The following ACTR3C variants were observed in gnomAD, a reference collection of about 807,000 sequenced individuals.
ACTR3C encodes the protein actin related protein 3C.
Under a neutral mutation model 26.3 loss-of-function variants are expected in ACTR3C, and 18 were observed. That is an observed-to-expected ratio of 0.68 (90% CI 0.47 to 1.01). The LOEUF (loss-of-function observed/expected upper bound fraction) is 1.01, where lower values mean the gene tolerates loss of function less well. ACTR3C is among the 50% of genes least tolerant of loss of function. ACTR3C has a pLI of 0.00. For synonymous variants in ACTR3C, 55 were observed against 94.5 expected (o/e 0.58, Z 2.42); for missense variants, 184 against 250.7 (o/e 0.73, Z 1.80).
chr7:149,882,125 TC>T, the ACTR3C span: 3 of 152,252 alleles, frequency 2.0e-5, no homozygotes, highest in African/African-American at 7.3e-5. Context: ...CTCTGCCAGT[TC>T]CTGCCGCTGC....
At chr7:149,907,259 CA>C in the ACTR3C span, among the ~76,000 whole-genome samples, 1 of 103,970 alleles carries the variant, frequency 9.6e-6, no homozygotes, top group Admixed American at 1.1e-4. Flanking sequence ...CACACCCCCA[CA>C]GCACCTCACC....
chr7:150,316,483 ATTTTTTTTTTT>A (rs35767189), intron 1 of ACTR3C, among the ~76,000 whole-genome samples: 4 of 80,528 alleles, frequency 5.0e-5, no homozygotes, highest in Non-Finnish European at 2.7e-5. Flanking sequence ...GAATCTGGTT[ATTTTTTTTTTT>A]TTTTTTTTTT....
At chr7:150,237,581 G>T in the ACTR3C span, among the ~76,000 whole-genome samples, 5 of 152,086 alleles carry the variant, frequency 3.3e-5, no homozygotes, top group Admixed American at 3.3e-4. Flanking sequence ...GGGTGGTCAC[G>T]GTAACGCCCT....
At chr7:150,016,826 T>C in the ACTR3C span, among the ~76,000 whole-genome samples, 1 of 152,158 alleles carries the variant, frequency 6.6e-6, no homozygotes, top group African/African-American at 2.4e-5. Flanking sequence ...ATATGTGTCA[T>C]AGCCTGTAAT....
chr7:149,962,561 G>A, the ACTR3C span, among the ~76,000 whole-genome samples: 1 of 151,916 alleles, frequency 6.6e-6, no homozygotes, highest in African/African-American at 2.4e-5. Context: ...GGGCAGCGCT[G>A]TACCACAGGC....
the ACTR3C span, among the ~76,000 whole-genome samples, chr7:149,915,121 C>A: frequency 6.6e-6 from 1 of 152,140 alleles, no homozygotes; most frequent in Non-Finnish European, 1.5e-5. Flanking sequence ...CTCAGGCGAT[C>A]CACCTCGGCC....
downstream of ACTR3C, among the ~76,000 whole-genome samples, chr7:150,241,101 G>A (rs953278744): frequency 7.9e-5 from 12 of 151,844 alleles, no homozygotes; most frequent in African/African-American, 2.4e-4. Flanking sequence ...ACTCAATACT[G>A]TATGATATTC....
intron 2 of ACTR3C, among the ~76,000 whole-genome samples, chr7:150,293,733 C>T (rs1189759639): frequency 7.9e-5 from 12 of 152,170 alleles, no homozygotes; most frequent in African/African-American, 1.9e-4. Context: ...CCCAAGAGTT[C>T]GAGACCAGCC....
At chr7:150,143,485 T>A in the ACTR3C span, among the ~76,000 whole-genome samples, 13,506 of 140,710 alleles carry the variant, frequency 0.096, 2,008 homozygotes, top group African/African-American at 0.32. Flanking sequence ...CCTTTTCAGC[T>A]TGCAGATTCA....
chr7:150,272,983 T>A (rs397842608), intron 6 of ACTR3C, among the ~76,000 whole-genome samples: 2 of 140,204 alleles, frequency 1.4e-5, no homozygotes, highest in African/African-American at 3.0e-5. Flanking sequence ...ACATGAGCCA[T>A]GAAGGCCGGC....
the ACTR3C span, among the ~76,000 whole-genome samples, chr7:149,921,666 CA>C: frequency 6.6e-6 from 1 of 151,580 alleles, no homozygotes; most frequent in Non-Finnish European, 1.5e-5. Flanking sequence ...CACCTGAAGT[CA>C]AGAGTTCAAG....
the ACTR3C span, among the ~76,000 whole-genome samples, chr7:150,095,185 ACTTC>A: frequency 2.7e-5 from 4 of 148,964 alleles, no homozygotes; most frequent in African/African-American, 1.0e-4. Flanking sequence ...GACTTCACAT[ACTTC>A]CTTCCCAGGA....
the ACTR3C span, among the ~76,000 whole-genome samples, chr7:149,934,341 G>A: frequency 6.6e-6 from 1 of 152,212 alleles, no homozygotes; most frequent in Non-Finnish European, 1.5e-5. Flanking sequence ...TGTCGAGTTT[G>A]ACTCCGTACC....
intron 1 of ACTR3C, among the ~76,000 whole-genome samples, chr7:150,301,746 C>T (rs572161818): frequency 2.4e-4 from 36 of 150,932 alleles, no homozygotes; most frequent in Admixed American, 5.2e-4. Context: ...AGCATGAAGA[C>T]GCTAAGTGAA....
chr7:150,101,092 G>C, the ACTR3C span, among the ~76,000 whole-genome samples: 1 of 151,664 alleles, frequency 6.6e-6, no homozygotes, highest in Admixed American at 6.6e-5. Context: ...GCCTTAAGGA[G>C]TTATCCTTCA....
the ACTR3C span, chr7:149,891,415 G>T: frequency 2.4e-6 from 3 of 1,231,904 alleles, no homozygotes; most frequent in Non-Finnish European, 3.4e-6. Context: ...CCTTCTCATT[G>T]CAGTTGTTGT....
At chr7:150,140,066 G>A in the ACTR3C span, among the ~76,000 whole-genome samples, 10 of 151,882 alleles carry the variant, frequency 6.6e-5, no homozygotes, top group East Asian at 1.9e-4. Flanking sequence ...ACACACACAC[G>A]TGCACACACA....
the ACTR3C span, among the ~76,000 whole-genome samples, chr7:150,142,616 C>T: frequency 1.3e-5 from 2 of 152,006 alleles, no homozygotes; most frequent in African/African-American, 2.4e-5. Context: ...GCAACCTCCG[C>T]CTCCCGGGTT....
At chr7:150,036,689 A>G in the ACTR3C span, among the ~76,000 whole-genome samples, 2 of 138,612 alleles carry the variant, frequency 1.4e-5, 1 homozygote, top group Non-Finnish European at 3.3e-5. Context: ...ATTGCAAATA[A>G]CCTGCTTTCT....
Sources: gnomAD v4.1 joint callset for allele counts (sites outside exome capture counted in the v4.1 genomes callset) on GRCh38, gnomAD v4.1.1 for gene constraint, MANE v1.5 for transcripts, NCBI Gene and HGNC (gene_info 2026-07-23, HGNC 2026-07-21) for gene names.